The following NLGN1 variants were observed in gnomAD, a reference collection of about 807,000 sequenced individuals.
The protein encoded by NLGN1 is neuroligin-1.
In NLGN1, 12 loss-of-function variants were observed where a neutral mutation model predicts 65.5. That is an observed-to-expected ratio of 0.18 (90% CI 0.12 to 0.30). The LOEUF (loss-of-function observed/expected upper bound fraction) is 0.30. Among genes scored for constraint, NLGN1 ranks in the 10% least tolerant of loss-of-function variants. The pLI, the probability that NLGN1 is intolerant of heterozygous loss-of-function variation, is 1.00. For synonymous variants in NLGN1, 350 were observed against 359.5 expected (o/e 0.97, Z 0.30); for missense variants, 750 against 1,007.1 (o/e 0.74, Z 3.46).
chr3:173,756,298 A>G (rs1200766333), intron 3 of NLGN1, among the ~76,000 whole-genome samples: 1 of 152,026 alleles, frequency 6.6e-6, no homozygotes, highest in Non-Finnish European at 1.5e-5. Context: ...GTAAACATCA[A>G]TATAAATTTA....
chr3:173,747,361 T>A (rs1267180672), intron 3 of NLGN1, among the ~76,000 whole-genome samples: 1 of 80,548 alleles, frequency 1.2e-5, no homozygotes, highest in Non-Finnish European at 2.4e-5. Context: ...TATATATACT[T>A]AAAGATATAT....
At chr3:173,823,397 T>A (rs182135180) in intron 4 of NLGN1, among the ~76,000 whole-genome samples, 1 of 152,226 alleles carries the variant, frequency 6.6e-6, no homozygotes, top group African/African-American at 2.4e-5. Flanking sequence ...TCCAAAATAT[T>A]ATCATTTCTA....
chr3:173,556,208 T>C (rs540340141), intron 2 of NLGN1, among the ~76,000 whole-genome samples: 18 of 152,146 alleles, frequency 1.2e-4, no homozygotes, highest in Non-Finnish European at 2.4e-4. Context: ...CTTCCTAATG[T>C]TTTTTGATGC....
intron 3 of NLGN1, among the ~76,000 whole-genome samples, chr3:173,681,094 A>T (rs902505024): frequency 1.3e-5 from 2 of 152,184 alleles, no homozygotes; most frequent in African/African-American, 4.8e-5. Flanking sequence ...ATGCATGATG[A>T]TTGGACTGAC....
downstream of NLGN1, among the ~76,000 whole-genome samples, chr3:174,287,825 A>C (rs1255482400): frequency 2.0e-5 from 3 of 151,446 alleles, no homozygotes; most frequent in African/African-American, 7.3e-5. Context: ...AAGGGGGTAA[A>C]GTTGTGCTGA....
At chr3:174,006,917 A>C (rs1292764022) in intron 4 of NLGN1, among the ~76,000 whole-genome samples, 1 of 151,936 alleles carries the variant, frequency 6.6e-6, no homozygotes, top group Non-Finnish European at 1.5e-5. Context: ...AAAATACAAA[A>C]ATTAGCTGAG....
chr3:173,950,087 A>C (rs1233619005), intron 4 of NLGN1, among the ~76,000 whole-genome samples: 2 of 152,160 alleles, frequency 1.3e-5, no homozygotes, highest in African/African-American at 4.8e-5. Flanking sequence ...AAAAATAAAA[A>C]ATTTGGTAAA....
intron 4 of NLGN1, among the ~76,000 whole-genome samples, chr3:174,083,770 T>C (rs535187049): frequency 6.6e-6 from 1 of 152,132 alleles, no homozygotes; most frequent in East Asian, 1.9e-4. Flanking sequence ...GAAATTTTTT[T>C]CCCTTATAAC....
chr3:173,970,584 A>G (rs1716008006), intron 4 of NLGN1, among the ~76,000 whole-genome samples: 1 of 152,092 alleles, frequency 6.6e-6, no homozygotes, highest in Non-Finnish European at 1.5e-5. Flanking sequence ...TAAGGCATGA[A>G]TTAAAGCTTG....
intron 4 of NLGN1, among the ~76,000 whole-genome samples, chr3:174,245,155 C>T (rs1219465692): frequency 6.6e-6 from 1 of 152,094 alleles, no homozygotes. Context: ...AATAGATGTA[C>T]TGCTAGCAGT....
At chr3:174,126,768 G>A (rs1350132183) in intron 4 of NLGN1, among the ~76,000 whole-genome samples, 1 of 152,062 alleles carries the variant, frequency 6.6e-6, no homozygotes, top group Non-Finnish European at 1.5e-5. Flanking sequence ...ATTTTTCTAA[G>A]CTGCCTTTTC....
At chr3:173,657,309 T>TG (rs1214238557) in intron 3 of NLGN1, among the ~76,000 whole-genome samples, 3 of 152,026 alleles carry the variant, frequency 2.0e-5, no homozygotes, top group Non-Finnish European at 4.4e-5. Context: ...TGCCAATTCC[T>TG]GGGGCATTTG....
intron 3 of NLGN1, chr3:173,695,460 A>AT (rs749584228): frequency 1.4e-3 from 304 of 219,930 alleles, no homozygotes; most frequent in Middle Eastern, 3.5e-3. Flanking sequence ...CATACTTAGG[A>AT]TTTTTTTTTC....
At chr3:173,588,781 C>G (rs947539911) in intron 2 of NLGN1, among the ~76,000 whole-genome samples, 7 of 152,144 alleles carry the variant, frequency 4.6e-5, no homozygotes, top group African/African-American at 1.7e-4. Context: ...CCTTATGGGC[C>G]TTGCAGGCAG....
intron 3 of NLGN1, among the ~76,000 whole-genome samples, chr3:173,725,316 T>A (rs1771587682): frequency 6.6e-6 from 1 of 152,328 alleles, no homozygotes; most frequent in African/African-American, 2.4e-5. Context: ...GTCTCATCTT[T>A]TCTCTGTTCA....
At chr3:173,895,079 G>A (rs75158731) in intron 4 of NLGN1, among the ~76,000 whole-genome samples, 3 of 152,102 alleles carry the variant, frequency 2.0e-5, no homozygotes, top group South Asian at 2.1e-4. Flanking sequence ...GTGCCGGGAG[G>A]GGGGGAGTTG....
At chr3:174,095,105 T>G (rs1393847035) in intron 4 of NLGN1, among the ~76,000 whole-genome samples, 1 of 152,112 alleles carries the variant, frequency 6.6e-6, no homozygotes, top group African/African-American at 2.4e-5. Flanking sequence ...CCTGAGTACC[T>G]GTTTCATGAT....
At chr3:174,140,757 AT>A (rs1165401436) in intron 4 of NLGN1, among the ~76,000 whole-genome samples, 2 of 152,110 alleles carry the variant, frequency 1.3e-5, no homozygotes, top group African/African-American at 4.8e-5. Flanking sequence ...AAAATCAGTG[AT>A]TTTTACAAAG....
chr3:173,802,865 A>C (rs1196694543), intron 3 of NLGN1, among the ~76,000 whole-genome samples: 2 of 150,384 alleles, frequency 1.3e-5, no homozygotes. Flanking sequence ...TTTTTGACAG[A>C]ATTTCCTTTT....
Sources: allele counts gnomAD v4.1 joint callset (sites outside exome capture counted in the v4.1 genomes callset), GRCh38; gene constraint gnomAD v4.1.1; transcripts MANE v1.5; gene names NCBI Gene and HGNC (gene_info 2026-07-23, HGNC 2026-07-21).